The following OPA3 variants were observed in gnomAD, a reference collection of about 807,000 sequenced individuals.
The protein encoded by OPA3 is optic atrophy 3 protein.
Under a neutral mutation model 4.0 loss-of-function variants are expected in OPA3, and 6 were observed. That is an observed-to-expected ratio of 1.51 (90% CI 0.83 to 2.99). The LOEUF (loss-of-function observed/expected upper bound fraction) is 2.99, where lower values mean the gene tolerates loss of function less well. Among genes scored for constraint, OPA3 ranks in the 30% most tolerant of loss-of-function variants. The pLI is 0.00. For synonymous variants in OPA3, 105 were observed against 117.1 expected (o/e 0.90, Z 0.67); for missense variants, 235 against 256.2 (o/e 0.92, Z 0.56).
At position 45,546,865 on chromosome 19, in the gene OPA3, C is replaced by A. The variant is rs1309830831; in HGVS notation, c.*6649G>T. On this transcript the variant is annotated 3_prime_UTR_variant, in exon 2 of 2. Transcript: ENST00000263275. ...ATTCTTTTTATTAGAGACGGGGCTT[C>A]ACCATGTTGGGCAGGCTGGTCTCGA... is the stretch of plus-strand genomic sequence containing the variant. 1 of 152,116 alleles carries A rather than the reference C, an allele frequency of 6.6e-6. No homozygotes were observed. Among genetic ancestry groups the A allele is most frequent in the Non-Finnish European group, 1.5e-5 (1 of 68,030 alleles). 9.4% of individuals were successfully genotyped at this position (152,116 alleles called of 1,614,324 possible).
chr19:45,567,099 G>C lies in OPA3; in HGVS notation c.143-13188C>G, dbSNP rs552176377. On this transcript the variant is annotated intron_variant, in intron 1 of 1. Transcript: ENST00000263275. ...CTCACACTTGTACCCCAGCACTTTG[G>C]GAGGCCAAGCGGTGAGGATCACCTG... Among the ~76,000 whole-genome samples, 5 of 152,116 alleles carry C rather than the reference G, an allele frequency of 3.3e-5. No individual in the cohort carries two copies. In the South Asian group the frequency reaches 8.3e-4, roughly 25 times the overall value.
intron 1 of OPA3, among the ~76,000 whole-genome samples, chr19:45,531,407 T>A (rs921963112): frequency 6.6e-6 from 1 of 152,140 alleles, no homozygotes; most frequent in African/African-American, 2.4e-5. Flanking sequence ...CCCACAAAAA[T>A]TTACCATGGG....
intron 1 of OPA3, among the ~76,000 whole-genome samples, chr19:45,559,310 T>C (rs1969467104): frequency 6.6e-6 from 1 of 152,140 alleles, no homozygotes; most frequent in African/African-American, 2.4e-5. Flanking sequence ...CTTTCTCTAT[T>C]ACTTAAAAGA....
chr19:45,564,021 A>G (rs922775376), intron 1 of OPA3, among the ~76,000 whole-genome samples: 2 of 151,998 alleles, frequency 1.3e-5, no homozygotes, highest in Non-Finnish European at 2.9e-5. Context: ...TTTCAAAAAA[A>G]TCAAACAAGC....
chr19:45,532,373 T>A (rs1295321179), intron 1 of OPA3, among the ~76,000 whole-genome samples: 1 of 152,156 alleles, frequency 6.6e-6, no homozygotes, highest in East Asian at 1.9e-4. Context: ...TCCTAGTGAG[T>A]TCTGTGAGTC....
intron 1 of OPA3, among the ~76,000 whole-genome samples, chr19:45,582,827 A>G (rs1969876167): frequency 6.6e-6 from 1 of 152,158 alleles, no homozygotes; most frequent in Admixed American, 6.6e-5. Context: ...TGACTCCTAA[A>G]CCATAATTTC....
intron 1 of OPA3, among the ~76,000 whole-genome samples, chr19:45,539,180 A>T (rs2122391819): frequency 6.6e-6 from 1 of 152,316 alleles, no homozygotes; most frequent in East Asian, 1.9e-4. Flanking sequence ...ACTCGAGATG[A>T]GATTTGGGTT....
At chr19:45,559,397 C>CTTTTTTTTTT (rs71338781) in intron 1 of OPA3, among the ~76,000 whole-genome samples, 28 of 59,914 alleles carry the variant, frequency 4.7e-4, no homozygotes, top group Non-Finnish European at 6.6e-4. Flanking sequence ...CTTTTTCTTT[C>CTTTTTTTTTT]TTTTTTTTTT....
intron 1 of OPA3, among the ~76,000 whole-genome samples, chr19:45,572,693 A>G (rs1969701283): frequency 7.1e-6 from 1 of 140,024 alleles, no homozygotes; most frequent in Non-Finnish European, 1.5e-5. Context: ...TATATATCAT[A>G]CTATATATAT....
chr19:45,575,107 G>A (rs1969747772), intron 1 of OPA3, among the ~76,000 whole-genome samples: 1 of 152,118 alleles, frequency 6.6e-6, no homozygotes, highest in African/African-American at 2.4e-5. Flanking sequence ...TTTTTTGTTT[G>A]TTTGCCTTTT....
At chr19:45,583,169 G>A (rs1445598514) in intron 1 of OPA3, among the ~76,000 whole-genome samples, 1 of 149,462 alleles carries the variant, frequency 6.7e-6, no homozygotes, top group Admixed American at 6.6e-5. Context: ...TTTTTTTTTG[G>A]AGACGGAGTC....
intron 1 of OPA3, among the ~76,000 whole-genome samples, chr19:45,574,158 C>T (rs1215968602): frequency 6.6e-6 from 1 of 151,428 alleles, no homozygotes; most frequent in African/African-American, 2.4e-5. Context: ...CTTTGGGAGG[C>T]TGAGGCGGGC....
At chr19:45,558,141 G>C (rs1286554485) in intron 1 of OPA3, among the ~76,000 whole-genome samples, 1 of 152,104 alleles carries the variant, frequency 6.6e-6, no homozygotes, top group Non-Finnish European at 1.5e-5. Context: ...AGACCAGCCT[G>C]GCCAACATGG....
At chr19:45,569,287 C>T (rs1267965915) in intron 1 of OPA3, among the ~76,000 whole-genome samples, 1 of 152,072 alleles carries the variant, frequency 6.6e-6, no homozygotes, top group South Asian at 2.1e-4. Flanking sequence ...AGTGAAACAC[C>T]GTCTCTACTA....
At chr19:45,557,012 G>T (rs1482551248) in intron 1 of OPA3, among the ~76,000 whole-genome samples, 1 of 152,220 alleles carries the variant, frequency 6.6e-6, no homozygotes, top group Admixed American at 6.5e-5. Context: ...ACCTGGTGGT[G>T]GCCCAGAGCT....
In OPA3 at chr19:45,552,060, G is replaced by A. The variant is rs1168344393; in HGVS notation, c.*1454C>T. 1.4e-5 allele frequency: 14 copies of A among 985,344 alleles called. No homozygotes were observed. The highest frequency in any genetic ancestry group is 1.7e-5 in the Non-Finnish European group (14 of 830,034). 61.0% of individuals were successfully genotyped at this position (985,344 alleles called of 1,614,324 possible). On this transcript the variant is annotated 3_prime_UTR_variant, in exon 2 of 2. Coordinates refer to ENST00000263275, the MANE Select transcript of OPA3 (RefSeq NM_025136.4). ...ATCAAATTTCCCACCACGGAAAGGG[G>A]GGTTGGAGGACATTCACAGAAAAGA...
chr19:45,571,108 A>C (rs1361683428), intron 1 of OPA3, among the ~76,000 whole-genome samples: 1 of 151,680 alleles, frequency 6.6e-6, no homozygotes, highest in Non-Finnish European at 1.5e-5. Flanking sequence ...GCTATACATG[A>C]CTGCTAAATA....
chr19:45,559,396 TC>T (rs67544584), intron 1 of OPA3, among the ~76,000 whole-genome samples: 34,991 of 82,966 alleles, frequency 0.42, 7,124 homozygotes, highest in East Asian at 0.55. Flanking sequence ...TCTTTTTCTT[TC>T]TTTTTTTTTT....
chr19:45,535,369 C>CTTTTTT (rs57680613), intron 1 of OPA3, among the ~76,000 whole-genome samples: 1 of 118,862 alleles, frequency 8.4e-6, no homozygotes, highest in Non-Finnish European at 1.8e-5. Flanking sequence ...TAAATTATTA[C>CTTTTTT]TTTTTTTTTT....
Sources: gnomAD v4.1 joint callset for allele counts (sites outside exome capture counted in the v4.1 genomes callset) on GRCh38, gnomAD v4.1.1 for gene constraint, MANE v1.5 for transcripts, NCBI Gene and HGNC (gene_info 2026-07-23, HGNC 2026-07-21) for gene names.